Variants in PLEKHA2 observed in about 807,000 individuals in gnomAD.
PLEKHA2 encodes pleckstrin homology domain-containing family A member 2.
PLEKHA2 carries 28 observed loss-of-function variants against 53.2 expected under a neutral mutation model. The ratio of observed to expected loss-of-function variants is 0.53; its 90% CI spans 0.39 to 0.72. The LOEUF (loss-of-function observed/expected upper bound fraction) is 0.72, where lower values mean the gene tolerates loss of function less well. PLEKHA2 is among the 30% of genes least tolerant of loss of function. The pLI is 0.00. For synonymous variants in PLEKHA2, 193 were observed against 196.4 expected (o/e 0.98, Z 0.14); for missense variants, 426 against 537.9 (o/e 0.79, Z 2.06).
At chr8:38,949,189 C>T (rs192288123) in intron 5 of PLEKHA2, among the ~76,000 whole-genome samples, 2 of 152,070 alleles carry the variant, frequency 1.3e-5, no homozygotes, top group East Asian at 3.9e-4. Context: ...GCTGTTAATC[C>T]TGGCTTTGGG....
rs540389394 is a variant in PLEKHA2, at chr8:38,951,109, G to C, written c.486+119G>C. 1,956 of 839,686 alleles carry C rather than the reference G, an allele frequency of 2.3e-3. 98 individuals are homozygous for C. Among genetic ancestry groups the C allele is most frequent in the South Asian group, 0.017 (943 of 54,368 alleles). The allele number at this position is 839,686 out of a possible 1,614,324, so 52.0% of individuals were successfully genotyped here. On this transcript the variant is annotated intron_variant, in intron 6 of 11. Coordinates refer to ENST00000617275, the MANE Select transcript of PLEKHA2 (RefSeq NM_021623.2). ...GGAGGGTGGGAGTGGGGGGCAGCTG[G>C]TGCCAGTGGAGCCATCAGGAAAGTA... is the stretch of plus-strand genomic sequence containing the variant.
chr8:38,913,438 A>G (rs1457694553), intron 1 of PLEKHA2, among the ~76,000 whole-genome samples: 2 of 152,070 alleles, frequency 1.3e-5, no homozygotes, highest in Admixed American at 6.6e-5. Flanking sequence ...TTGAAAGCCA[A>G]TGTTCAGCTG....
chr8:38,961,275 C>T (rs1406358231), intron 10 of PLEKHA2, among the ~76,000 whole-genome samples: 2 of 152,290 alleles, frequency 1.3e-5, no homozygotes, highest in South Asian at 4.1e-4. Context: ...CGGTGGCTCA[C>T]GCCTGCAATC....
chr8:38,929,064 C>T (rs73674634), intron 2 of PLEKHA2, among the ~76,000 whole-genome samples: 3 of 152,226 alleles, frequency 2.0e-5, no homozygotes, highest in Admixed American at 6.5e-5. Flanking sequence ...AGCTATACCC[C>T]CTCTGCAGGC....
Position 38,950,851 on chromosome 8 carries a change from T to C in PLEKHA2, c.347T>C (p.Val116Ala). Reference sequence around the variant, plus strand: ...GATTGTTGCTGCCGCTCACCCCAGGTTCCCAAAGGTGGGGGCCTACCCATG... The same window carrying C: ...GATTGTTGCTGCCGCTCACCCCAGGCTCCCAAAGGTGGGGGCCTACCCATG... ...EALNQASKIT[V>A]PKGGGLPMTT... is the part of the protein sequence containing the mutation. The change falls in exon 6 of 12, where the codon GTT (valine) becomes GCT (alanine). Residue 116 changes from valine to alanine, a missense_variant and splice_region_variant. Val to Ala is a moderately conservative substitution (Grantham distance 64). Coordinates refer to ENST00000617275, the MANE Select transcript of PLEKHA2 (RefSeq NM_021623.2). The C allele has an allele frequency of 1.2e-6, 2 of 1,612,798 alleles. No individual in the cohort carries two copies. The highest frequency in any genetic ancestry group is 1.7e-6 in the Non-Finnish European group (2 of 1,179,124).
intron 3 of PLEKHA2, among the ~76,000 whole-genome samples, chr8:38,942,967 T>C (rs1044918500): frequency 6.6e-6 from 1 of 152,194 alleles, no homozygotes; most frequent in African/African-American, 2.4e-5. Flanking sequence ...TCAGGGCAGA[T>C]GTAAAGGCAA....
chr8:38,943,450 T>A (rs1474088055), intron 3 of PLEKHA2, among the ~76,000 whole-genome samples: 4 of 152,064 alleles, frequency 2.6e-5, no homozygotes, highest in Non-Finnish European at 4.4e-5. Flanking sequence ...TGCACCACTG[T>A]ACTCCAGCCT....
At chr8:38,967,170 TTTTC>T (rs1191079906) in intron 10 of PLEKHA2, among the ~76,000 whole-genome samples, 1 of 152,184 alleles carries the variant, frequency 6.6e-6, no homozygotes, top group South Asian at 2.1e-4. Flanking sequence ...GGACACCACA[TTTTC>T]TTTATCGAGT....
At chr8:38,941,438 C>G (rs565337004) in intron 3 of PLEKHA2, among the ~76,000 whole-genome samples, 1 of 152,154 alleles carries the variant, frequency 6.6e-6, no homozygotes, top group Non-Finnish European at 1.5e-5. Flanking sequence ...ACATCCTGTA[C>G]GCATTTAAAT....
chr8:38,926,513 G>A (rs1012565925), intron 2 of PLEKHA2, among the ~76,000 whole-genome samples: 1 of 151,758 alleles, frequency 6.6e-6, no homozygotes, highest in Non-Finnish European at 1.5e-5. Flanking sequence ...TTATATGTGG[G>A]CTTTTTGAGA....
intron 2 of PLEKHA2, among the ~76,000 whole-genome samples, chr8:38,918,564 T>C (rs376732639): frequency 6.5e-4 from 1 of 1,528 alleles, no homozygotes; most frequent in Non-Finnish European, 1.4e-3. Context: ...ACACACATTA[T>C]ACACACACAT....
intron 9 of PLEKHA2, among the ~76,000 whole-genome samples, chr8:38,957,027 G>A (rs959117990): frequency 3.3e-5 from 5 of 152,138 alleles, no homozygotes; most frequent in African/African-American, 1.2e-4. Context: ...GTGGTGGTGG[G>A]GTTGGATATT....
chr8:38,915,183 C>T (rs36123125), intron 1 of PLEKHA2, among the ~76,000 whole-genome samples: 32,678 of 152,102 alleles, frequency 0.21, 3,693 homozygotes, highest in African/African-American at 0.28. Context: ...TGGCCTCAAG[C>T]GATCCTCCCA....
chr8:38,918,653 A>G (rs1834123105), intron 2 of PLEKHA2, among the ~76,000 whole-genome samples: 1 of 94,192 alleles, frequency 1.1e-5, no homozygotes, highest in Admixed American at 1.1e-4. Context: ...CACATACACC[A>G]TACACACACC....
At chr8:38,967,725 G>C (rs534437529) in intron 10 of PLEKHA2, among the ~76,000 whole-genome samples, 77 of 147,708 alleles carry the variant, frequency 5.2e-4, no homozygotes, top group Non-Finnish European at 9.8e-4. Context: ...GCAGTGGTGT[G>C]ATCTCGGCTC....
At chr8:38,966,061 G>T (rs983460229) in intron 10 of PLEKHA2, among the ~76,000 whole-genome samples, 13 of 152,100 alleles carry the variant, frequency 8.5e-5, no homozygotes, top group African/African-American at 3.1e-4. Context: ...AGTCAAGCGG[G>T]GAGACAGCGC....
chr8:38,966,953 C>T (rs1214296050), intron 10 of PLEKHA2, among the ~76,000 whole-genome samples: 1 of 151,404 alleles, frequency 6.6e-6, no homozygotes, highest in Non-Finnish European at 1.5e-5. Flanking sequence ...TCCCACCCTC[C>T]CTCCCTTCCA....
intron 1 of PLEKHA2, among the ~76,000 whole-genome samples, chr8:38,917,529 C>A (rs1488099697): frequency 6.6e-6 from 1 of 152,148 alleles, no homozygotes; most frequent in Non-Finnish European, 1.5e-5. Context: ...TTATTATTAA[C>A]CCCGTTTTAC....
chr8:38,905,242 G>C (rs1833852344), intron 1 of PLEKHA2, among the ~76,000 whole-genome samples: 1 of 152,052 alleles, frequency 6.6e-6, no homozygotes, highest in Non-Finnish European at 1.5e-5. Flanking sequence ...GGGATCACTT[G>C]AGGCTAAGAG....
Sources: allele counts gnomAD v4.1 joint callset (sites outside exome capture counted in the v4.1 genomes callset), GRCh38; gene constraint gnomAD v4.1.1; transcripts MANE v1.5; gene names NCBI Gene and HGNC (gene_info 2026-07-23, HGNC 2026-07-21).